The following DAB1 variants were observed in gnomAD, a reference collection of about 807,000 sequenced individuals.
DAB1 encodes the protein disabled homolog 1.
In DAB1, 15 loss-of-function variants were observed where a neutral mutation model predicts 64.6. The ratio of observed to expected loss-of-function variants is 0.23; its 90% CI spans 0.16 to 0.36. DAB1 has a LOEUF of 0.36. DAB1 is among the 10% of genes least tolerant of loss of function. The probability of loss-of-function intolerance (pLI) is 1.00; values close to 1 mark genes in which losing one functional copy is unlikely to be tolerated. For missense variants in DAB1, 596 were observed against 706.7 expected, an observed-to-expected ratio of 0.84 and a Z score of 1.78; for synonymous variants, 235 against 251.9, an observed-to-expected ratio of 0.93 and a Z score of 0.64.
intron 5 of DAB1, among the ~76,000 whole-genome samples, chr1:58,085,958 CTTTTTTTTTTTT>C (rs911523306): frequency 1.0e-5 from 1 of 98,704 alleles, no homozygotes; most frequent in Admixed American, 1.1e-4. Context: ...ATCTCTCTCT[CTTTTTTTTTTTT>C]TTTTTTTTTT....
chr1:58,010,336 A>G lies in DAB1; in HGVS notation n.388-126174T>C, dbSNP rs184279609. 2.0e-5 allele frequency among the ~76,000 whole-genome samples: 3 copies of G among 152,318 alleles called. No homozygotes were observed. The East Asian group carries it at 5.8e-4, about 29-fold the overall frequency. On this transcript the variant is annotated intron_variant and non_coding_transcript_variant, in intron 5 of 20. Coordinates refer to the DAB1 transcript ENST00000485760. Reference sequence around the variant, plus strand: ...TATTTTGCCTTCACTCAAGAAAAACATATACATACATCTGATAAAATTCCA... The same window carrying G: ...TATTTTGCCTTCACTCAAGAAAAACGTATACATACATCTGATAAAATTCCA...
intron 2 of DAB1, among the ~76,000 whole-genome samples, chr1:57,223,533 T>C (rs955153037): frequency 6.6e-6 from 1 of 152,144 alleles, no homozygotes; most frequent in Non-Finnish European, 1.5e-5. Flanking sequence ...TCAGCAGAGC[T>C]ACGTACATCA....
At chr1:57,831,516 A>C (rs1387724281) in intron 1 of DAB1, among the ~76,000 whole-genome samples, 1 of 151,144 alleles carries the variant, frequency 6.6e-6, no homozygotes, top group East Asian at 1.9e-4. Flanking sequence ...TTAACTAAAT[A>C]ATACATATTT....
intron 1 of DAB1, among the ~76,000 whole-genome samples, chr1:57,388,515 T>A (rs929471420): frequency 3.3e-5 from 5 of 152,190 alleles, no homozygotes; most frequent in Non-Finnish European, 5.9e-5. Context: ...TCCAGCCGCA[T>A]GTGCCTGCCC....
chr1:58,496,575 T>C (rs1645806579), intron 3 of DAB1, among the ~76,000 whole-genome samples: 1 of 152,202 alleles, frequency 6.6e-6, no homozygotes, highest in Non-Finnish European at 1.5e-5. Context: ...TTTGTTTTGT[T>C]GCTATTGCTG....
At chr1:58,150,990 G>C (rs566688468) in intron 4 of DAB1, among the ~76,000 whole-genome samples, 2 of 152,216 alleles carry the variant, frequency 1.3e-5, no homozygotes, top group East Asian at 3.9e-4. Context: ...GTGGTATCCA[G>C]CTTCATCCAT....
intron 5 of DAB1, among the ~76,000 whole-genome samples, chr1:57,894,636 A>G (rs915997035): frequency 6.6e-6 from 1 of 152,160 alleles, no homozygotes; most frequent in African/African-American, 2.4e-5. Flanking sequence ...TTGGATTCTT[A>G]GTGCAATGGG....
intron 7 of DAB1, among the ~76,000 whole-genome samples, chr1:57,536,938 G>A (rs149329634): frequency 6.6e-6 from 1 of 152,180 alleles, no homozygotes; most frequent in East Asian, 1.9e-4. Flanking sequence ...GGATGCAGAG[G>A]TGAACAACAG....
intron 5 of DAB1, among the ~76,000 whole-genome samples, chr1:57,982,718 C>T (rs191841251): frequency 4.6e-5 from 7 of 152,308 alleles, no homozygotes; most frequent in Admixed American, 4.6e-4. Context: ...CATTTTTCTC[C>T]TTCCATTCAT....
At chr1:57,257,436 G>T (rs1470375438) in intron 2 of DAB1, among the ~76,000 whole-genome samples, 2 of 152,186 alleles carry the variant, frequency 1.3e-5, no homozygotes, top group Non-Finnish European at 2.9e-5. Flanking sequence ...TAAAGTGCAT[G>T]CATTATCTCT....
intron 6 of DAB1, among the ~76,000 whole-genome samples, chr1:57,792,879 T>C (rs1650670527): frequency 6.6e-6 from 1 of 152,244 alleles, no homozygotes; most frequent in Admixed American, 6.5e-5. Flanking sequence ...TGATTAGAAT[T>C]ATAGTTCTGA....
intron 6 of DAB1, among the ~76,000 whole-genome samples, chr1:57,695,372 GAAAGAAAGAAAGA>G (rs1226814919): frequency 1.8e-3 from 95 of 54,144 alleles, no homozygotes; most frequent in South Asian, 1.8e-3. Context: ...AAGAAAGAAA[GAAAGAAAGAAAGA>G]AAGAAAGAAA....
chr1:58,386,027 C>T (rs553709441), intron 3 of DAB1, among the ~76,000 whole-genome samples: 12 of 152,186 alleles, frequency 7.9e-5, no homozygotes, highest in African/African-American at 2.4e-4. Flanking sequence ...TTTTATAGCA[C>T]GTTAGCTCTA....
chr1:57,734,275 A>G (rs1174543212), intron 6 of DAB1, among the ~76,000 whole-genome samples: 2 of 152,156 alleles, frequency 1.3e-5, no homozygotes, highest in African/African-American at 4.8e-5. Context: ...AAGTCACTCA[A>G]CTCAGAATTA....
chr1:58,533,551 C>G (rs1233370137), intron 1 of DAB1, among the ~76,000 whole-genome samples: 4 of 152,050 alleles, frequency 2.6e-5, no homozygotes, highest in Admixed American at 2.6e-4. Flanking sequence ...AAGCTATCCT[C>G]TGAGAATGAA....
intron 11 of DAB1, among the ~76,000 whole-genome samples, chr1:57,016,531 C>A (rs1015830436): frequency 6.6e-6 from 1 of 151,594 alleles, no homozygotes; most frequent in Non-Finnish European, 1.5e-5. Context: ...TTTGAAGCAG[C>A]ACTGAGCTAT....
chr1:57,937,065 AT>A (rs1645037041), intron 5 of DAB1, among the ~76,000 whole-genome samples: 1 of 152,012 alleles, frequency 6.6e-6, no homozygotes, highest in Non-Finnish European at 1.5e-5. Context: ...TGACTGTAGC[AT>A]AAGCTCCAGG....
At chr1:57,654,262 A>T (rs1305552727) in intron 6 of DAB1, among the ~76,000 whole-genome samples, 1 of 152,214 alleles carries the variant, frequency 6.6e-6, no homozygotes, top group Non-Finnish European at 1.5e-5. Flanking sequence ...AGTATGTCAG[A>T]TGGTCACATG....
At chr1:58,280,989 G>A (rs1661548388) in intron 4 of DAB1, among the ~76,000 whole-genome samples, 1 of 152,196 alleles carries the variant, frequency 6.6e-6, no homozygotes, top group Non-Finnish European at 1.5e-5. Context: ...CATGGATGGA[G>A]GTTGGCAGAG....
Sources: allele counts gnomAD v4.1 joint callset (sites outside exome capture counted in the v4.1 genomes callset), GRCh38; gene constraint gnomAD v4.1.1; transcripts MANE v1.5; gene names NCBI Gene and HGNC (gene_info 2026-07-23, HGNC 2026-07-21).